Variants in ADGRB3 observed in about 807,000 individuals in gnomAD.
The protein encoded by ADGRB3 is brain-specific angiogenesis inhibitor 3.
Under a neutral mutation model 193.4 loss-of-function variants are expected in ADGRB3, and 37 were observed. That is an observed-to-expected ratio of 0.19 (90% CI 0.15 to 0.25). ADGRB3 has a LOEUF of 0.25. Ranked by LOEUF, ADGRB3 falls within the 10% of genes least tolerant of loss-of-function variation. The pLI, the probability that ADGRB3 is intolerant of heterozygous loss-of-function variation, is 1.00. For synonymous variants in ADGRB3, 690 were observed against 644.2 expected, an observed-to-expected ratio of 1.07 and a Z score of -1.08; for missense variants, 1,637 against 1,852.9, an observed-to-expected ratio of 0.88 and a Z score of 2.14.
chr6:69,371,065 T>G (rs917677487), intron 29 of ADGRB3, among the ~76,000 whole-genome samples: 1 of 152,120 alleles, frequency 6.6e-6, no homozygotes, highest in African/African-American at 2.4e-5. Context: ...TGAGTTTTTA[T>G]TTAATAAAGC....
chr6:69,258,465 A>G (rs954163737), intron 20 of ADGRB3, among the ~76,000 whole-genome samples: 1 of 152,250 alleles, frequency 6.6e-6, no homozygotes, highest in Non-Finnish European at 1.5e-5. Context: ...TACTGATTAT[A>G]AAAACACTAG....
intron 3 of ADGRB3, among the ~76,000 whole-genome samples, chr6:68,727,265 A>G (rs998552222): frequency 6.6e-6 from 1 of 151,662 alleles, no homozygotes; most frequent in Non-Finnish European, 1.5e-5. Context: ...ACAAAAATCT[A>G]ATATAAACTC....
chr6:68,944,078 A>T (rs779793278), intron 6 of ADGRB3, 84 bp downstream of exon 6: 27 of 1,399,630 alleles, frequency 1.9e-5, no homozygotes, highest in Non-Finnish European at 2.4e-5. Flanking sequence ...TTAAGAGTAC[A>T]ACCTTCATTC....
chr6:69,211,936 T>A (rs539429742), intron 17 of ADGRB3, among the ~76,000 whole-genome samples: 1 of 152,356 alleles, frequency 6.6e-6, no homozygotes, highest in South Asian at 2.1e-4. Context: ...ATAAAATAAA[T>A]GCTTAGATAT....
intron 3 of ADGRB3, among the ~76,000 whole-genome samples, chr6:68,791,443 T>C (rs1767106047): frequency 6.6e-6 from 1 of 152,238 alleles, no homozygotes; most frequent in South Asian, 2.1e-4. Flanking sequence ...TTTTATTGCT[T>C]TTTATTTTTG....
chr6:68,729,921 C>G (rs1562008229), intron 3 of ADGRB3, among the ~76,000 whole-genome samples: 3 of 151,072 alleles, frequency 2.0e-5, no homozygotes. Context: ...TCTGGAGATA[C>G]AAAGATGAAT....
At chr6:68,696,522 C>T (rs930584219) in intron 3 of ADGRB3, among the ~76,000 whole-genome samples, 1 of 151,450 alleles carries the variant, frequency 6.6e-6, no homozygotes, top group African/African-American at 2.4e-5. Flanking sequence ...TAAGGAAATT[C>T]CTGAACTTGA....
At chr6:69,170,396 C>A (rs981717466) in intron 17 of ADGRB3, among the ~76,000 whole-genome samples, 1 of 152,124 alleles carries the variant, frequency 6.6e-6, no homozygotes, top group Non-Finnish European at 1.5e-5. Context: ...TCAAAGCTTT[C>A]TTGGCCCTTG....
intron 3 of ADGRB3, among the ~76,000 whole-genome samples, chr6:68,664,996 T>C (rs1768765244): frequency 6.6e-6 from 1 of 151,802 alleles, no homozygotes; most frequent in East Asian, 1.9e-4. Flanking sequence ...GTACTGTGTA[T>C]GTAATTGGAT....
chr6:68,871,259 AT>A (rs1261725977), intron 3 of ADGRB3, among the ~76,000 whole-genome samples: 1 of 152,122 alleles, frequency 6.6e-6, no homozygotes, highest in Non-Finnish European at 1.5e-5. Flanking sequence ...TGAAGAATTT[AT>A]TTTTTTCCAT....
chr6:68,964,507 G>A (rs545861759), intron 8 of ADGRB3, among the ~76,000 whole-genome samples: 8 of 152,268 alleles, frequency 5.3e-5, no homozygotes, highest in African/African-American at 1.4e-4. Flanking sequence ...ACTCACTGTC[G>A]TCTTTGGCTG....
At chr6:69,107,186 G>GT (rs1178834660) in intron 17 of ADGRB3, among the ~76,000 whole-genome samples, 4 of 148,034 alleles carry the variant, frequency 2.7e-5, no homozygotes, top group African/African-American at 9.8e-5. Context: ...CATGGCATGC[G>GT]TAAGTGTGAT....
intron 3 of ADGRB3, among the ~76,000 whole-genome samples, chr6:68,708,141 G>A (rs1324014192): frequency 6.6e-6 from 1 of 152,132 alleles, no homozygotes. Context: ...ATTTGAGCCA[G>A]GGCTGACCCA....
intron 3 of ADGRB3, among the ~76,000 whole-genome samples, chr6:68,811,985 A>G (rs1315885359): frequency 6.6e-6 from 1 of 152,206 alleles, no homozygotes; most frequent in Non-Finnish European, 1.5e-5. Flanking sequence ...TTTTAGTTGT[A>G]GTAGATGAAG....
chr6:68,982,794 C>T (rs964352976), intron 10 of ADGRB3, among the ~76,000 whole-genome samples: 3 of 152,116 alleles, frequency 2.0e-5, no homozygotes, highest in Non-Finnish European at 4.4e-5. Flanking sequence ...TATATTTTTC[C>T]ATCTCTGGCC....
At chr6:69,344,078 G>A (rs1561993721) in intron 26 of ADGRB3, among the ~76,000 whole-genome samples, 1 of 152,160 alleles carries the variant, frequency 6.6e-6, no homozygotes, top group Non-Finnish European at 1.5e-5. Flanking sequence ...CTCTAAGACA[G>A]TCTTACAGCT....
At chr6:68,994,948 G>A (rs1490570563) in intron 11 of ADGRB3, among the ~76,000 whole-genome samples, 3 of 152,046 alleles carry the variant, frequency 2.0e-5, no homozygotes, top group Non-Finnish European at 4.4e-5. Context: ...TTAGAATCAT[G>A]GAGTCTTTCA....
At chr6:68,645,796 C>T (rs1334088625) in intron 3 of ADGRB3, among the ~76,000 whole-genome samples, 1 of 152,080 alleles carries the variant, frequency 6.6e-6, no homozygotes, top group Non-Finnish European at 1.5e-5. Context: ...CCTCAGACTC[C>T]TGAGTAGCTG....
chr6:69,138,873 T>A (rs1042958352), intron 17 of ADGRB3, among the ~76,000 whole-genome samples: 3 of 152,174 alleles, frequency 2.0e-5, no homozygotes, highest in Admixed American at 1.3e-4. Context: ...GTGAGAAAAA[T>A]TGCTTTATGC....
Sources: allele counts gnomAD v4.1 joint callset (sites outside exome capture counted in the v4.1 genomes callset), GRCh38; gene constraint gnomAD v4.1.1; transcripts MANE v1.5; gene names NCBI Gene and HGNC (gene_info 2026-07-23, HGNC 2026-07-21).